Variants in CA10 observed in about 807,000 individuals in gnomAD.
CA10 encodes carbonic anhydrase-related protein 10.
Under a neutral mutation model 44.2 loss-of-function variants are expected in CA10, and 14 were observed. That is an observed-to-expected ratio of 0.32 (90% confidence interval 0.21 to 0.50). CA10 has a LOEUF of 0.50. Among genes scored for constraint, CA10 ranks in the 20% least tolerant of loss-of-function variants. The pLI, the probability that CA10 is intolerant of heterozygous loss-of-function variation, is 0.99. For synonymous variants in CA10, 159 were observed against 141.6 expected, an observed-to-expected ratio of 1.12 and a Z score of -0.87; for missense variants, 350 against 409.7, an observed-to-expected ratio of 0.85 and a Z score of 1.26.
At chr17:52,099,159 A>G (rs748723970) in intron 1 of CA10, among the ~76,000 whole-genome samples, 2 of 149,738 alleles carry the variant, frequency 1.3e-5, no homozygotes, top group Non-Finnish European at 3.0e-5. Flanking sequence ...AGATAATAAG[A>G]AAAAAAAGGG....
intron 1 of CA10, among the ~76,000 whole-genome samples, chr17:52,149,509 C>A (rs886386673): frequency 1.3e-5 from 2 of 152,192 alleles, no homozygotes; most frequent in African/African-American, 2.4e-5. Context: ...GATCCTAGAT[C>A]ATTTGTCACC....
intron 4 of CA10, among the ~76,000 whole-genome samples, chr17:51,679,850 T>A (rs1015208866): frequency 6.6e-6 from 1 of 152,094 alleles, no homozygotes; most frequent in Non-Finnish European, 1.5e-5. Flanking sequence ...CTAAGGATGG[T>A]TATACATTTT....
At chr17:51,813,571 C>A (rs1335709465) in intron 3 of CA10, among the ~76,000 whole-genome samples, 4 of 152,162 alleles carry the variant, frequency 2.6e-5, no homozygotes, top group Non-Finnish European at 5.9e-5. Flanking sequence ...TGGTTGTTTG[C>A]ATGTTTCACC....
intron 2 of CA10, among the ~76,000 whole-genome samples, chr17:52,006,634 A>C (rs535057442): frequency 2.0e-5 from 3 of 151,896 alleles, no homozygotes; most frequent in Admixed American, 2.0e-4. Context: ...ATAGCATTTG[A>C]GTTTTAAAAA....
intron 3 of CA10, among the ~76,000 whole-genome samples, chr17:51,754,285 AGTGTGT>A (rs60269292): frequency 0.014 from 1,952 of 140,916 alleles, 27 homozygotes; most frequent in African/African-American, 0.042. Flanking sequence ...GAAACAGAAT[AGTGTGT>A]GTGTGTGTGT....
At chr17:51,914,899 T>C (rs934314131) in intron 3 of CA10, among the ~76,000 whole-genome samples, 1 of 152,226 alleles carries the variant, frequency 6.6e-6, no homozygotes, top group Admixed American at 6.5e-5. Context: ...ACTGGCCATC[T>C]GAGGTCATTT....
At chr17:52,158,887 G>A (rs1415807358), upstream of CA10, among the ~76,000 whole-genome samples, 3 of 152,242 alleles carry the variant, frequency 2.0e-5, no homozygotes, top group African/African-American at 4.8e-5. Context: ...ACCCGGGGGC[G>A]GAGGCAGGAG....
Position 51,712,348 on chromosome 17 carries a change from C to T in CA10, c.465+35285G>A, listed in dbSNP as rs540500732. ...AATGATGCCTTGTACCTCAGTTGTC[C>T]AATCTTTAAAATAGGGAAAAATCAC... On this transcript the variant is annotated intron_variant, in intron 4 of 8. Coordinates refer to ENST00000451037, the MANE Select transcript of CA10 (RefSeq NM_020178.5). Among the ~76,000 whole-genome samples, 3 of 152,280 alleles carry T rather than the reference C, an allele frequency of 2.0e-5. No homozygotes were observed. The East Asian group carries it at 5.8e-4, about 29-fold the overall frequency.
intron 2 of CA10, among the ~76,000 whole-genome samples, chr17:51,954,911 A>T (rs1447204764): frequency 1.3e-5 from 2 of 152,140 alleles, no homozygotes; most frequent in African/African-American, 4.8e-5. Flanking sequence ...AGGAAAGAAC[A>T]TCAGTTCCTT....
chr17:52,120,390 G>A (rs1988987039), intron 1 of CA10, among the ~76,000 whole-genome samples: 1 of 152,014 alleles, frequency 6.6e-6, no homozygotes, highest in African/African-American at 2.4e-5. Context: ...GCAGGAAGCA[G>A]TTAATATTGG....
At chr17:51,689,709 C>T (rs1915122494) in intron 4 of CA10, among the ~76,000 whole-genome samples, 4 of 152,076 alleles carry the variant, frequency 2.6e-5, no homozygotes, top group Admixed American at 1.3e-4. Context: ...CTCCATGTGC[C>T]CTGTGGTGCA....
intron 2 of CA10, among the ~76,000 whole-genome samples, chr17:52,012,417 A>G (rs1876713011): frequency 6.6e-6 from 1 of 152,008 alleles, no homozygotes; most frequent in Admixed American, 6.6e-5. Context: ...TTGAGGTAAC[A>G]CACTGTCTCC....
intron 3 of CA10, among the ~76,000 whole-genome samples, chr17:51,835,876 A>C (rs1009486351): frequency 1.3e-5 from 2 of 152,216 alleles, no homozygotes; most frequent in African/African-American, 4.8e-5. Context: ...AAGGGTTGCA[A>C]GGAAGGTCAG....
At chr17:51,866,949 A>C (rs1295236097) in intron 3 of CA10, among the ~76,000 whole-genome samples, 1 of 152,232 alleles carries the variant, frequency 6.6e-6, no homozygotes, top group African/African-American at 2.4e-5. Context: ...TCCTTAATTC[A>C]GAAGTTAAAA....
chr17:51,990,975 G>A (rs561646995), intron 2 of CA10, among the ~76,000 whole-genome samples: 26 of 152,238 alleles, frequency 1.7e-4, no homozygotes, highest in African/African-American at 5.8e-4. Context: ...GTACAAAGAC[G>A]ACCATGGTGT....
intron 2 of CA10, among the ~76,000 whole-genome samples, chr17:52,070,172 A>C (rs2143129189): frequency 6.6e-6 from 1 of 152,342 alleles, no homozygotes; most frequent in Non-Finnish European, 1.5e-5. Context: ...TACCAGAAAG[A>C]CAAAAGGCTT....
chr17:52,007,799 G>T (rs1282701714), intron 2 of CA10, among the ~76,000 whole-genome samples: 1 of 151,158 alleles, frequency 6.6e-6, no homozygotes, highest in Non-Finnish European at 1.5e-5. Context: ...GAAACAGTTT[G>T]GACTATATAT....
chr17:52,146,618 A>G (rs1226877380), intron 1 of CA10, among the ~76,000 whole-genome samples: 1 of 151,906 alleles, frequency 6.6e-6, no homozygotes, highest in Admixed American at 6.6e-5. Flanking sequence ...TGAACCCAGG[A>G]GGCGGAGCTT....
intron 2 of CA10, among the ~76,000 whole-genome samples, chr17:51,964,568 C>A (rs2144057144): frequency 6.6e-6 from 1 of 151,664 alleles, no homozygotes; most frequent in East Asian, 1.9e-4. Flanking sequence ...ACTCTCAGAC[C>A]ACAATGGAAT....
Sources: allele counts gnomAD v4.1 joint callset (sites outside exome capture counted in the v4.1 genomes callset), GRCh38; gene constraint gnomAD v4.1.1; transcripts MANE v1.5; gene names NCBI Gene and HGNC (gene_info 2026-07-23, HGNC 2026-07-21).